The following SPATA9 variants were observed in gnomAD, a reference collection of about 807,000 sequenced individuals.
SPATA9 encodes spermatogenesis-associated protein 9.
Under a neutral mutation model 25.5 loss-of-function variants are expected in SPATA9, and 27 were observed. The observed-to-expected ratio is 1.06, with a 90% CI of 0.78 to 1.46. The LOEUF is 1.46. SPATA9 is among the 40% of genes most tolerant of loss of function. The pLI, the probability that SPATA9 is intolerant of heterozygous loss-of-function variation, is 0.00. For missense variants in SPATA9, 282 were observed against 297.5 expected (o/e 0.95, Z 0.38); for synonymous variants, 102 against 105.7 (o/e 0.97, Z 0.21).
At chr5:95,719,200 G>T in the SPATA9 span, among the ~76,000 whole-genome samples, 4 of 152,274 alleles carry the variant, frequency 2.6e-5, no homozygotes, top group East Asian at 1.9e-4. Context: ...AGGTTAGGTG[G>T]TTGACTGGGA....
intron 1 of SPATA9, among the ~76,000 whole-genome samples, chr5:95,690,326 A>G (rs1339872143): frequency 1.3e-5 from 2 of 152,204 alleles, no homozygotes; most frequent in Admixed American, 1.3e-4. Context: ...CCAACCCAGT[A>G]GAAAAGAGCA....
At chr5:95,697,267 C>T (rs1580359491) in intron 1 of SPATA9, among the ~76,000 whole-genome samples, 1 of 152,102 alleles carries the variant, frequency 6.6e-6, no homozygotes, top group Admixed American at 6.5e-5. Flanking sequence ...CTTTTGGCTG[C>T]TTCAGAAGAT....
upstream of SPATA9, among the ~76,000 whole-genome samples, chr5:95,700,293 T>C (rs574588576): frequency 6.6e-6 from 1 of 152,216 alleles, no homozygotes; most frequent in East Asian, 1.9e-4. Flanking sequence ...AATAACTACA[T>C]TTAAAAAAAA....
At chr5:95,700,137 AATT>A (rs1291171315), upstream of SPATA9, among the ~76,000 whole-genome samples, 1 of 152,162 alleles carries the variant, frequency 6.6e-6, no homozygotes, top group Non-Finnish European at 1.5e-5. Context: ...CTCATGTTGT[AATT>A]ATTTTTATAT....
At chr5:95,670,951 C>A (rs1327273613) in intron 3 of SPATA9, 3 of 959,212 alleles carry the variant, frequency 3.1e-6, no homozygotes, top group Non-Finnish European at 3.7e-6. Context: ...TTCTGATTAT[C>A]AACCCTAGCT....
upstream of SPATA9, among the ~76,000 whole-genome samples, chr5:95,687,315 G>T (rs965043623): frequency 1.3e-5 from 2 of 152,150 alleles, no homozygotes; most frequent in Non-Finnish European, 2.9e-5. Context: ...TCAATCATAG[G>T]TTGGCCAAGC....
the SPATA9 span, among the ~76,000 whole-genome samples, chr5:95,724,723 T>G: frequency 6.6e-6 from 1 of 152,186 alleles, no homozygotes; most frequent in South Asian, 2.1e-4. Flanking sequence ...GTTTCTTGCC[T>G]CTTTTTTCAG....
At chr5:95,653,273 G>A in intron 8 of SPATA9, 1 of 1,546,868 alleles carries the variant, frequency 6.5e-7, no homozygotes, top group South Asian at 1.2e-5. Context: ...TAGCTATCTG[G>A]TTGTGCCTGT....
the SPATA9 span, among the ~76,000 whole-genome samples, chr5:95,730,233 C>G: frequency 6.6e-6 from 1 of 152,178 alleles, no homozygotes; most frequent in Non-Finnish European, 1.5e-5. Context: ...TCAATACCCC[C>G]TCTTTCATAC....
the SPATA9 span, chr5:95,731,331 G>A: frequency 9.1e-7 from 1 of 1,095,018 alleles, no homozygotes. Context: ...AGCAGCGGCA[G>A]CGGCAGCAGG....
intron 1 of SPATA9, among the ~76,000 whole-genome samples, chr5:95,695,539 A>G (rs1003918421): frequency 2.0e-5 from 3 of 152,190 alleles, no homozygotes; most frequent in African/African-American, 7.2e-5. Flanking sequence ...TGGAGGTTGC[A>G]GTGAGCTGAG....
the SPATA9 span, chr5:95,731,054 T>G: frequency 1.9e-6 from 2 of 1,060,522 alleles, no homozygotes; most frequent in Non-Finnish European, 1.2e-6. Flanking sequence ...GTTACGGCCT[T>G]GCGAGTTGAA....
In SPATA9 at chr5:95,664,027, C is replaced by A; in HGVS notation, c.400G>T (p.Glu134Ter). The A allele has an allele frequency of 6.3e-7, 1 of 1,587,956 alleles. No homozygotes were observed. The highest frequency in any genetic ancestry group is 8.6e-7 in the Non-Finnish European group (1 of 1,164,782). ...GTCTTTGCTGGAAAGGAGATGATTT[C>A]AAACAAAGAACCCTTTCTGACCTGC... ...NIQVRKGSLF[E>*]IISFPAKTAL... The change falls in exon 4 of 5, where the codon GAA becomes TAA. Residue 134 changes from glutamate to a stop codon, truncating the protein, a stop_gained. Coordinates refer to ENST00000274432, the MANE Select transcript of SPATA9 (RefSeq NM_031952.4). LOFTEE classifies it high-confidence loss of function.
downstream of SPATA9, chr5:95,653,355 A>G: frequency 8.4e-7 from 1 of 1,193,488 alleles, no homozygotes; most frequent in Non-Finnish European, 1.1e-6. Context: ...CTATTCAGAC[A>G]ATCAAAGAAT....
intron 2 of SPATA9, among the ~76,000 whole-genome samples, chr5:95,676,033 G>C (rs1752917279): frequency 6.6e-6 from 1 of 151,960 alleles, no homozygotes; most frequent in Non-Finnish European, 1.5e-5. Flanking sequence ...TGCTGGTCAG[G>C]CTGGTCTCAA....
At chr5:95,654,437 T>A, downstream of SPATA9, 1 of 1,025,918 alleles carries the variant, frequency 9.7e-7, no homozygotes, top group Non-Finnish European at 1.5e-6. Context: ...TTATAATTGG[T>A]TTGAACTATA....
chr5:95,684,383 C>T (rs897239580), upstream of SPATA9, among the ~76,000 whole-genome samples: 1 of 152,208 alleles, frequency 6.6e-6, no homozygotes, highest in Non-Finnish European at 1.5e-5. Context: ...CCACCATCCC[C>T]TAGTTCTTTT....
chr5:95,673,225 C>T (rs1476023873), intron 3 of SPATA9, among the ~76,000 whole-genome samples: 1 of 152,182 alleles, frequency 6.6e-6, no homozygotes, highest in African/African-American at 2.4e-5. Context: ...TGTGATGCAA[C>T]GTACTGTGTG....
At chr5:95,728,224 TC>T in the SPATA9 span, among the ~76,000 whole-genome samples, 2 of 152,178 alleles carry the variant, frequency 1.3e-5, no homozygotes, top group African/African-American at 4.8e-5. Flanking sequence ...CAGGTATGAC[TC>T]CAGAAATCTC....
Sources: gnomAD v4.1 joint callset for allele counts (sites outside exome capture counted in the v4.1 genomes callset) on GRCh38, gnomAD v4.1.1 for gene constraint, MANE v1.5 for transcripts, NCBI Gene and HGNC (gene_info 2026-07-23, HGNC 2026-07-21) for gene names.